The following AASDH variants were observed in gnomAD, a reference collection of about 807,000 sequenced individuals.
AASDH encodes the protein beta-alanine-activating enzyme.
In AASDH, 81 loss-of-function variants were observed where a neutral mutation model predicts 102.3. The observed-to-expected ratio is 0.79, with a 90% CI of 0.66 to 0.95. The LOEUF (loss-of-function observed/expected upper bound fraction) is 0.95. Ranked by LOEUF, AASDH falls within the 40% of genes least tolerant of loss-of-function variation. The probability of loss-of-function intolerance (pLI) is 0.00; values close to 1 mark genes in which losing one functional copy is unlikely to be tolerated. For missense variants in AASDH, 1,203 were observed against 1,266.2 expected, an observed-to-expected ratio of 0.95 and a Z score of 0.76; for synonymous variants, 398 against 454.0, an observed-to-expected ratio of 0.88 and a Z score of 1.57.
At chr4:56,363,887 G>A (rs1368509103) in intron 5 of AASDH, among the ~76,000 whole-genome samples, 1 of 152,174 alleles carries the variant, frequency 6.6e-6, no homozygotes, top group Non-Finnish European at 1.5e-5. Flanking sequence ...ACTTTGACAA[G>A]TTGAGAGAAG....
At chr4:56,366,752 A>G (rs1014417872) in intron 5 of AASDH, among the ~76,000 whole-genome samples, 10 of 151,510 alleles carry the variant, frequency 6.6e-5, no homozygotes, top group Admixed American at 3.9e-4. Context: ...TGACAAACCC[A>G]CAGCCAATAT....
chr4:56,371,741 A>G, intron 4 of AASDH, 98 bp from the exon 5 acceptor site: 1 of 1,119,316 alleles, frequency 8.9e-7, no homozygotes, highest in South Asian at 2.1e-5. Flanking sequence ...CAAGTTTCTG[A>G]ATGTTGGCCA....
chr4:56,356,036 C>T (rs1749592207), intron 5 of AASDH: 1 of 507,968 alleles, frequency 2.0e-6, no homozygotes, highest in Admixed American at 3.4e-5. Flanking sequence ...AGGACAAAAT[C>T]TATAAAATCA....
chr4:56,378,070 T>G, intron 4 of AASDH, 78 bp downstream of exon 4: 2 of 1,385,670 alleles, frequency 1.4e-6, no homozygotes, highest in Admixed American at 2.3e-5. Context: ...CCTCCCAAAG[T>G]GCTGGGATTA....
chr4:56,372,072 G>C (rs1237962596), intron 4 of AASDH, among the ~76,000 whole-genome samples: 3 of 152,226 alleles, frequency 2.0e-5, no homozygotes, highest in Admixed American at 6.5e-5. Flanking sequence ...TCCCTAATCA[G>C]CTGATTTACT....
chr4:56,377,236 T>C (rs1334669621), intron 4 of AASDH, among the ~76,000 whole-genome samples: 1 of 152,186 alleles, frequency 6.6e-6, no homozygotes, highest in Non-Finnish European at 1.5e-5. Context: ...GAGGTTTCTA[T>C]TTCTGTTTCC....
chr4:56,356,995 A>G (rs1749717714), intron 5 of AASDH: 1 of 398,764 alleles, frequency 2.5e-6, no homozygotes, highest in Non-Finnish European at 4.5e-6. Flanking sequence ...TCCTTTAAAA[A>G]TGTGCCTAAG....
chr4:56,349,799 A>G lies in AASDH; in HGVS notation c.1952T>C (p.Ile651Thr). The change falls in exon 11 of 15, where the codon ATT (isoleucine) becomes ACT (threonine). Residue 651 changes from isoleucine (I) to threonine (T), a missense_variant. Coordinates refer to ENST00000205214, the MANE Select transcript of AASDH (RefSeq NM_181806.4). ...SCATKRKLSD[I>T]NQEEASGTSL... ...TGTTCCACTGGCTTCCTCTTGATTA[A>G]TGTCGCTGAGTTTCCTTTTTGTGGC... 6.2e-7 allele frequency: 1 copy of G among 1,614,196 alleles called. No homozygotes were observed. Among genetic ancestry groups the G allele is most frequent in the Non-Finnish European group, 8.5e-7 (1 of 1,180,036 alleles).
At position 56,345,114 on chromosome 4, in the gene AASDH, G is replaced by A. The variant is rs966115839; in HGVS notation, c.2652+13C>T. Reference sequence around the variant, plus strand: ...GCGCCACCATGCCCAGCTAATTTGAGGTCAATCCTTACATAAATATCTAAA... The same window carrying A: ...GCGCCACCATGCCCAGCTAATTTGAAGTCAATCCTTACATAAATATCTAAA... On this transcript the variant is annotated intron_variant, in intron 12 of 14. Transcript: ENST00000205214. 16 of 1,612,876 alleles carry A rather than the reference G, an allele frequency of 9.9e-6. No individual in the cohort carries two copies. Among genetic ancestry groups the A allele is most frequent in the Non-Finnish European group, 1.4e-5 (16 of 1,179,366 alleles).
intron 5 of AASDH, among the ~76,000 whole-genome samples, chr4:56,366,628 T>C (rs1197835834): frequency 6.6e-6 from 1 of 152,022 alleles, no homozygotes; most frequent in Non-Finnish European, 1.5e-5. Flanking sequence ...ACCACATGAT[T>C]ATCTCAATAG....
chr4:56,384,045 A>T, intron 2 of AASDH, 25 bp downstream of exon 2: 1 of 1,581,192 alleles, frequency 6.3e-7, no homozygotes, highest in Non-Finnish European at 8.7e-7. Context: ...AGTAACATCA[A>T]ATTTACAGTT....
chr4:56,363,562 A>G (rs1750592982), intron 5 of AASDH, among the ~76,000 whole-genome samples: 1 of 152,216 alleles, frequency 6.6e-6, no homozygotes. Context: ...TTTGCAGTTC[A>G]CCAATATCCG....
intron 5 of AASDH, among the ~76,000 whole-genome samples, chr4:56,364,144 G>T (rs988434348): frequency 6.6e-6 from 1 of 152,192 alleles, no homozygotes; most frequent in Non-Finnish European, 1.5e-5. Flanking sequence ...TGAATGAAAT[G>T]AAGTGAGAAG....
intron 5 of AASDH, among the ~76,000 whole-genome samples, chr4:56,363,041 C>A (rs1750504316): frequency 6.6e-6 from 1 of 152,216 alleles, no homozygotes; most frequent in Admixed American, 6.5e-5. Flanking sequence ...TGCGCTTTTC[C>A]AATGGGCTTA....
intron 4 of AASDH, among the ~76,000 whole-genome samples, chr4:56,373,816 A>G (rs1209544919): frequency 1.3e-5 from 1 of 75,626 alleles, no homozygotes; most frequent in East Asian, 4.3e-4. Flanking sequence ...AAGGTTATGC[A>G]TGCATACAGT....
rs1748957779 is a variant in AASDH at position 56,351,191 on chromosome 4, T to C, written c.1692+151A>G. On this transcript the variant is annotated intron_variant, in intron 10 of 14. Coordinates refer to ENST00000205214, the MANE Select transcript of AASDH (RefSeq NM_181806.4). ...GTAGAGAATCTAACCTTCATTTTAA[T>C]ACAAATTGGATAAATGAAGATATAC... 5.6e-6 allele frequency: 3 copies of C among 535,846 alleles called. 1 individual carries two copies. The South Asian group carries it at 8.6e-5, about 15-fold the overall frequency. The allele number at this position is 535,846 out of a possible 1,614,324, so 33.2% of individuals were successfully genotyped here.
At chr4:56,374,822 T>C (rs562600366) in intron 4 of AASDH, among the ~76,000 whole-genome samples, 1 of 152,228 alleles carries the variant, frequency 6.6e-6, no homozygotes, top group South Asian at 2.1e-4. Flanking sequence ...CCACCCCCAT[T>C]TTAAAATGGA....
At chr4:56,341,876 C>T (rs1017410713) in intron 14 of AASDH, among the ~76,000 whole-genome samples, 3 of 151,676 alleles carry the variant, frequency 2.0e-5, no homozygotes, top group Admixed American at 2.0e-4. Flanking sequence ...CTTTGGGAGG[C>T]TGAGGCAGGT....
chr4:56,354,154 A>C lies in AASDH; in HGVS notation c.1268T>G (p.Met423Arg). 6.2e-7 allele frequency: 1 copy of C among 1,612,516 alleles called. No individual in the cohort carries two copies. Among genetic ancestry groups the C allele is most frequent in the Non-Finnish European group, 8.5e-7 (1 of 1,179,006 alleles). The change falls in exon 8 of 15, where the codon ATG (methionine) becomes AGG (arginine). Residue 423 changes from methionine (M) to arginine (R), a missense_variant. Transcript: ENST00000205214. ...AGTCACAAAGTCTCCTGTAGCTCGCATTGTGCCAAGTGGTACTGTCACTTC... is the reference window on the plus strand; with the variant it reads ...AGTCACAAAGTCTCCTGTAGCTCGCCTTGTGCCAAGTGGTACTGTCACTTC... Reference protein sequence around the residue: ...DDEVTVPLGTMRATGDFVTVK... With the variant: ...DDEVTVPLGTRRATGDFVTVK...
Sources: gnomAD v4.1 joint callset for allele counts (sites outside exome capture counted in the v4.1 genomes callset) on GRCh38, gnomAD v4.1.1 for gene constraint, MANE v1.5 for transcripts, NCBI Gene and HGNC (gene_info 2026-07-23, HGNC 2026-07-21) for gene names.